Variants in SOX6 observed in about 807,000 individuals in gnomAD.
SOX6 encodes transcription factor SOX-6.
SOX6 carries 11 observed loss-of-function variants against 97.8 expected under a neutral mutation model. That is an observed-to-expected ratio of 0.11 (90% confidence interval 0.07 to 0.19). The LOEUF (loss-of-function observed/expected upper bound fraction) is 0.19, where lower values mean the gene tolerates loss of function less well. Among genes scored for constraint, SOX6 ranks in the 10% least tolerant of loss-of-function variants. SOX6 has a pLI of 1.00. For missense variants in SOX6, 810 were observed against 1,039.5 expected (o/e 0.78, Z 3.04); for synonymous variants, 360 against 371.4 (o/e 0.97, Z 0.35).
At chr11:16,329,881 A>G (rs1856231114) in intron 2 of SOX6, among the ~76,000 whole-genome samples, 1 of 152,176 alleles carries the variant, frequency 6.6e-6, no homozygotes, top group South Asian at 2.1e-4. Context: ...AATATGAAAC[A>G]CGTTCCAATC....
At chr11:16,008,419 A>G (rs1854620284) in intron 13 of SOX6, among the ~76,000 whole-genome samples, 1 of 152,114 alleles carries the variant, frequency 6.6e-6, no homozygotes, top group Non-Finnish European at 1.5e-5. Flanking sequence ...TCACACTGCC[A>G]TTGACACTTC....
At chr11:16,464,521 G>C (rs1299968190) in intron 1 of SOX6, among the ~76,000 whole-genome samples, 2 of 151,506 alleles carry the variant, frequency 1.3e-5, no homozygotes, top group Non-Finnish European at 2.9e-5. Context: ...AAAGGAGAAA[G>C]AATATTCATT....
intron 6 of SOX6, among the ~76,000 whole-genome samples, chr11:16,177,772 C>T (rs1851239200): frequency 1.3e-5 from 2 of 151,716 alleles, no homozygotes. Flanking sequence ...AGACATTTTC[C>T]TATTCAGTAT....
At chr11:16,571,638 G>A (rs962957206) in intron 4 of SOX6, among the ~76,000 whole-genome samples, 2 of 151,430 alleles carry the variant, frequency 1.3e-5, no homozygotes, top group Non-Finnish European at 2.9e-5. Flanking sequence ...GTTTGTTTGG[G>A]GGGTTTTGTT....
At chr11:16,489,574 T>C (rs1259172577) in intron 4 of SOX6, among the ~76,000 whole-genome samples, 1 of 152,136 alleles carries the variant, frequency 6.6e-6, no homozygotes, top group African/African-American at 2.4e-5. Context: ...AAGTATGGTC[T>C]GAGATAGATT....
intron 2 of SOX6, among the ~76,000 whole-genome samples, chr11:16,329,375 T>C (rs1370798922): frequency 2.0e-5 from 3 of 152,198 alleles, no homozygotes; most frequent in Non-Finnish European, 4.4e-5. Flanking sequence ...GCATTATCTA[T>C]ACACTACCAG....
At chr11:16,682,715 A>G (rs552890848) in intron 3 of SOX6, among the ~76,000 whole-genome samples, 31 of 152,362 alleles carry the variant, frequency 2.0e-4, no homozygotes, top group Admixed American at 7.2e-4. Flanking sequence ...CCTCTTCAGC[A>G]TAGTGTTGGA....
chr11:15,991,874 C>A (rs1854063686), intron 13 of SOX6, among the ~76,000 whole-genome samples: 1 of 152,190 alleles, frequency 6.6e-6, no homozygotes, highest in Non-Finnish European at 1.5e-5. Flanking sequence ...CCCACACATG[C>A]TGTACCACAG....
At chr11:16,184,021 TTCTC>T in intron 5 of SOX6, 67 bp from the exon 6 acceptor site, 1 of 1,356,114 alleles carries the variant, frequency 7.4e-7, no homozygotes, top group Admixed American at 1.7e-5. Flanking sequence ...CCTCAGGTAT[TTCTC>T]CTGGTATTAC....
At chr11:16,306,352 T>C (rs765745929) in intron 3 of SOX6, among the ~76,000 whole-genome samples, 1 of 152,144 alleles carries the variant, frequency 6.6e-6, no homozygotes, top group Non-Finnish European at 1.5e-5. Flanking sequence ...TATTGATAAA[T>C]GCAGTGGTGT....
chr11:16,083,037 A>G (rs1848503930), intron 9 of SOX6, among the ~76,000 whole-genome samples: 1 of 152,132 alleles, frequency 6.6e-6, no homozygotes, highest in South Asian at 2.1e-4. Flanking sequence ...GCCATTCTGC[A>G]TCCTTCCCCA....
At chr11:15,999,504 T>C (rs112630650) in intron 13 of SOX6, among the ~76,000 whole-genome samples, 1 of 152,188 alleles carries the variant, frequency 6.6e-6, no homozygotes, top group East Asian at 1.9e-4. Context: ...ATAAAACTAT[T>C]GTAACTCTTA....
intron 7 of SOX6, among the ~76,000 whole-genome samples, chr11:16,107,398 TATATATGTATATATATATAC>T (rs1010521267): frequency 1.8e-4 from 27 of 147,324 alleles, no homozygotes; most frequent in Middle Eastern, 3.6e-3. Context: ...TATATATGTA[TATATATGTATATATATATAC>T]ATATATATAC....
At chr11:16,070,206 A>C (rs1250586875) in intron 9 of SOX6, among the ~76,000 whole-genome samples, 1 of 152,080 alleles carries the variant, frequency 6.6e-6, no homozygotes, top group Non-Finnish European at 1.5e-5. Context: ...TAGTTTCCCT[A>C]GCTAAAGGTC....
At chr11:16,665,953 A>C (rs1847804374) in intron 3 of SOX6, among the ~76,000 whole-genome samples, 2 of 152,220 alleles carry the variant, frequency 1.3e-5, no homozygotes, top group South Asian at 4.1e-4. Flanking sequence ...CACATCTGTA[A>C]GTCTGCAAGA....
chr11:16,094,318 T>TG (rs1181655074), intron 9 of SOX6, among the ~76,000 whole-genome samples: 24 of 100,846 alleles, frequency 2.4e-4, no homozygotes, highest in African/African-American at 9.3e-4. Flanking sequence ...GGGTTGGGAG[T>TG]GGGGGGTGGG....
rs372549684 is a variant in SOX6 at position 16,158,401 on chromosome 11, GCAA to G, written c.777+25482_777+25484del. ...TTCAAAATGAAACTGATGCCAAAAT[GCAA>G]CAACAACAATTAGTGAATCTCATTA... is the stretch of plus-strand genomic sequence containing the variant. On this transcript the variant is annotated intron_variant, in intron 6 of 15. Coordinates refer to ENST00000683767, the MANE Select transcript of SOX6 (RefSeq NM_001367873.1). Among the ~76,000 whole-genome samples the G allele has an allele frequency of 2.8e-4, 42 of 152,032 alleles. No individual in the cohort carries two copies. In the East Asian group the frequency reaches 4.6e-3, roughly 17 times the overall value.
chr11:16,063,507 TA>T (rs1848012624), intron 9 of SOX6, among the ~76,000 whole-genome samples: 1 of 21,586 alleles, frequency 4.6e-5, no homozygotes, highest in African/African-American at 2.1e-4. Context: ...TATATATATA[TA>T]TATATATATA....
At chr11:16,639,395 C>T (rs531925343) in intron 3 of SOX6, among the ~76,000 whole-genome samples, 9 of 152,242 alleles carry the variant, frequency 5.9e-5, no homozygotes, top group South Asian at 2.1e-4. Context: ...CTTGGCAATG[C>T]GGGATCTTTT....
Sources: gnomAD v4.1 joint callset for allele counts (sites outside exome capture counted in the v4.1 genomes callset) on GRCh38, gnomAD v4.1.1 for gene constraint, MANE v1.5 for transcripts, NCBI Gene and HGNC (gene_info 2026-07-23, HGNC 2026-07-21) for gene names.